RSRC2: variants seen among roughly 807,000 people sequenced by gnomAD.
The protein encoded by RSRC2 is arginine/serine-rich coiled-coil protein 2.
A neutral mutation model predicts 61.3 loss-of-function variants in RSRC2; 5 were observed. That is an observed-to-expected ratio of 0.08 (90% CI 0.04 to 0.17). RSRC2 has a LOEUF of 0.17. RSRC2 is among the 10% of genes least tolerant of loss of function. The probability of loss-of-function intolerance (pLI) is 1.00; values close to 1 mark genes in which losing one functional copy is unlikely to be tolerated. For missense variants in RSRC2, 381 were observed against 518.8 expected, an observed-to-expected ratio of 0.73 and a Z score of 2.58; for synonymous variants, 202 against 166.5, an observed-to-expected ratio of 1.21 and a Z score of -1.64.
chr12:122,511,233 C>G (rs1163062696), intron 6 of RSRC2, 45 bp from the exon 7 acceptor site: 1 of 1,425,440 alleles, frequency 7.0e-7, no homozygotes, highest in Non-Finnish European at 9.7e-7. Flanking sequence ...CAATATAAAA[C>G]CATTATGTAT....
chr12:122,507,944 G>A, intron 8 of RSRC2: 1 of 460,852 alleles, frequency 2.2e-6, no homozygotes, highest in East Asian at 4.5e-5. Context: ...GGGATTACAG[G>A]TGTGTGCCAC....
At chr12:122,521,493 C>T (rs1474936177) in intron 2 of RSRC2, 65 bp from the exon 3 acceptor site, 8 of 1,410,358 alleles carry the variant, frequency 5.7e-6, no homozygotes, top group Non-Finnish European at 8.0e-6. Context: ...TCTTAAAAAA[C>T]TCTTAATGCT....
At chr12:122,512,999 C>T (rs974386993) in intron 6 of RSRC2, among the ~76,000 whole-genome samples, 3 of 151,822 alleles carry the variant, frequency 2.0e-5, no homozygotes, top group South Asian at 2.1e-4. Context: ...TCGAGACCAG[C>T]TTGGCCAACA....
At chr12:122,513,295 G>GT (rs1251496454) in intron 6 of RSRC2, among the ~76,000 whole-genome samples, 1 of 151,118 alleles carries the variant, frequency 6.6e-6, no homozygotes, top group Non-Finnish European at 1.5e-5. Context: ...GATCTGAAAT[G>GT]TATTTCCTAA....
intron 1 of RSRC2, among the ~76,000 whole-genome samples, chr12:122,524,782 AG>A (rs1959814189): frequency 6.6e-6 from 1 of 152,362 alleles, no homozygotes; most frequent in Non-Finnish European, 1.5e-5. Flanking sequence ...CCAAAAACTG[AG>A]TATTAAAATT....
intron 7 of RSRC2, among the ~76,000 whole-genome samples, chr12:122,510,767 C>T (rs1958445302): frequency 6.6e-6 from 1 of 152,152 alleles, no homozygotes; most frequent in African/African-American, 2.4e-5. Flanking sequence ...CAAACTTAGG[C>T]TGGGTGCAGT....
Position 122,505,520 on chromosome 12 carries a change from A to G in RSRC2, c.*7T>C. On this transcript the variant is annotated 3_prime_UTR_variant, in exon 10 of 10. Coordinates refer to ENST00000331738, the MANE Select transcript of RSRC2 (RefSeq NM_023012.6). ...ATAAGTCCCAAACTTTACAAGTGTG[A>G]TCATTTTCAAACTGCATCCATTCCT... 6.2e-7 allele frequency: 1 copy of G among 1,612,612 alleles called. No homozygotes were observed. Among genetic ancestry groups the G allele is most frequent in the Non-Finnish European group, 8.5e-7 (1 of 1,179,042 alleles).
chr12:122,510,357 C>G (rs1326030725), intron 7 of RSRC2, among the ~76,000 whole-genome samples: 1 of 151,942 alleles, frequency 6.6e-6, no homozygotes, highest in East Asian at 1.9e-4. Flanking sequence ...CGGTGAAACC[C>G]CGTCTCTACT....
At chr12:122,508,647 A>G (rs1271098329) in intron 7 of RSRC2, among the ~76,000 whole-genome samples, 200 bp from the exon 8 acceptor site, 1 of 152,186 alleles carries the variant, frequency 6.6e-6, no homozygotes, top group Non-Finnish European at 1.5e-5. Flanking sequence ...ATATTTCTAC[A>G]TAAACCCTTG....
At chr12:122,515,589 T>C (rs1211482448) in intron 5 of RSRC2, among the ~76,000 whole-genome samples, 1 of 152,234 alleles carries the variant, frequency 6.6e-6, no homozygotes, top group Non-Finnish European at 1.5e-5. Context: ...ATTAGTCATT[T>C]TGTGCTCTTG....
intron 1 of RSRC2, among the ~76,000 whole-genome samples, chr12:122,526,537 A>C (rs1189620534): frequency 6.6e-6 from 1 of 152,022 alleles, no homozygotes; most frequent in Non-Finnish European, 1.5e-5. Flanking sequence ...AAAAACTTAG[A>C]ATAAATCACT....
intron 5 of RSRC2, 30 bp downstream of exon 5, chr12:122,517,197 T>C (rs1959003798): frequency 1.9e-6 from 3 of 1,613,124 alleles, no homozygotes; most frequent in South Asian, 1.1e-5. Context: ...AGGGTCCTAT[T>C]AAATTTTATT....
In RSRC2 at chr12:122,518,886, T is replaced by A. The variant is rs762400577; in HGVS notation, c.351A>T (p.Arg117Ser). 33 of 1,614,062 alleles carry A rather than the reference T, an allele frequency of 2.0e-5. No individual in the cohort carries two copies. Among genetic ancestry groups the A allele is most frequent in the African/African-American group, 4.0e-5 (3 of 74,932 alleles). The change falls in exon 4 of 10, where the codon AGA becomes AGT. Residue 117 changes from arginine (R) to serine (S), a missense_variant. By Grantham distance (110) the Arg-to-Ser change is moderately radical. This residue lies in a region of RSRC2 where 266 missense variants were observed against 270.5 expected (regional missense o/e 0.98). Transcript: ENST00000331738. ...NGEDRHKRKERKSSRGRSHSR... is the reference protein window; with the variant it reads ...NGEDRHKRKESKSSRGRSHSR... ...AGTGACTTCTGCCTCTTGATGACTT[T>A]CTTTCTTTGCGTTTGTGCCTGTCCT... is the stretch of plus-strand genomic sequence containing the variant.
chr12:122,523,451 C>T (rs1345809286), intron 1 of RSRC2: 1 of 152,156 alleles, frequency 6.6e-6, no homozygotes, highest in African/African-American at 2.4e-5. Flanking sequence ...ATGAGGCAGA[C>T]GTTGAAGTGA....
chr12:122,516,093 T>C (rs1323114266), intron 5 of RSRC2, among the ~76,000 whole-genome samples: 1 of 152,204 alleles, frequency 6.6e-6, no homozygotes, highest in Non-Finnish European at 1.5e-5. Flanking sequence ...CTAGAACCAC[T>C]GAGTAAAAAT....
At chr12:122,519,143 G>T in intron 3 of RSRC2, 114 bp from the exon 4 acceptor site, 1 of 755,512 alleles carries the variant, frequency 1.3e-6, no homozygotes, top group East Asian at 2.6e-5. Context: ...AGGAGTGTGT[G>T]GCAAATAAAA....
At chr12:122,522,046 C>G (rs1959272521) in intron 2 of RSRC2, 97 bp downstream of exon 2, 3 of 1,282,072 alleles carry the variant, frequency 2.3e-6, no homozygotes, top group Non-Finnish European at 2.1e-6. Flanking sequence ...AGCCACCATG[C>G]CCAGCCAACA....
intron 6 of RSRC2, among the ~76,000 whole-genome samples, chr12:122,514,368 G>T (rs768971271): frequency 1.3e-5 from 2 of 150,750 alleles, no homozygotes; most frequent in Admixed American, 6.6e-5. Flanking sequence ...GGGTTCAAGC[G>T]ATTCTCGTGC....
At chr12:122,522,562 T>C (rs573341569) in intron 1 of RSRC2, 3 of 267,666 alleles carry the variant, frequency 1.1e-5, no homozygotes, top group East Asian at 7.2e-5. Context: ...TTTTAAAACA[T>C]GGGGTGGGGT....
Sources: allele counts gnomAD v4.1 joint callset (sites outside exome capture counted in the v4.1 genomes callset), GRCh38; gene constraint gnomAD v4.1.1; regional missense constraint gnomAD v4.1.1; transcripts MANE v1.5; gene names NCBI Gene and HGNC (gene_info 2026-07-23, HGNC 2026-07-21).